CDK13: variants seen among roughly 807,000 people sequenced by gnomAD.
CDK13 encodes cyclin dependent kinase 13, also known as cyclin-dependent kinase 13.
Under a neutral mutation model 137.6 loss-of-function variants are expected in CDK13, and 40 were observed. The ratio of observed to expected loss-of-function variants is 0.29; its 90% CI spans 0.23 to 0.38. CDK13 has a LOEUF of 0.38. Among genes scored for constraint, CDK13 ranks in the 10% least tolerant of loss-of-function variants. CDK13 has a pLI of 1.00. For missense variants in CDK13, 1,704 were observed against 1,951.8 expected (o/e 0.87, Z 2.39); for synonymous variants, 869 against 760.1 (o/e 1.14, Z -2.36).
chr7:40,060,772 A>C (rs1786124225), intron 7 of CDK13: 1 of 152,168 alleles, frequency 6.6e-6, no homozygotes, highest in Admixed American at 6.5e-5. Flanking sequence ...GATTTTATTA[A>C]AAGGGGATAA....
chr7:40,067,148 TAGAG>T (rs1288091939), intron 9 of CDK13: 1 of 152,204 alleles, frequency 6.6e-6, no homozygotes, highest in Non-Finnish European at 1.5e-5. Flanking sequence ...AACTGAACCT[TAGAG>T]AGGTGAAGAA....
intron 5 of CDK13, among the ~76,000 whole-genome samples, chr7:40,026,591 A>G (rs1785248981): frequency 6.6e-6 from 1 of 152,232 alleles, no homozygotes; most frequent in African/African-American, 2.4e-5. Flanking sequence ...ATAACCTCAT[A>G]AATAACCATA....
At chr7:40,054,596 A>C (rs1785970483) in intron 7 of CDK13, among the ~76,000 whole-genome samples, 1 of 152,146 alleles carries the variant, frequency 6.6e-6, no homozygotes, top group South Asian at 2.1e-4. Flanking sequence ...ACACCCAGCG[A>C]ATTTTTGTAA....
rs200938169 is a variant in CDK13, at chr7:39,987,754, A to G, written c.1367A>G (p.Asn456Ser). 29 of 1,614,198 alleles carry G rather than the reference A, an allele frequency of 1.8e-5. No homozygotes were observed. Among genetic ancestry groups the G allele is most frequent in the Non-Finnish European group, 2.5e-5 (29 of 1,180,036 alleles). The change falls in exon 2 of 14, where the codon AAT (asparagine) becomes AGT (serine). Residue 456 changes from asparagine to serine, a missense_variant. By Grantham distance (46) the Asn-to-Ser change is conservative. Coordinates refer to ENST00000181839, the MANE Select transcript of CDK13 (RefSeq NM_003718.5). ...KSSLAAELNK[N>S]KKARAAEAAR... Reference sequence around the variant, plus strand: ...AGCCTGGCAGCTGAATTGAACAAGAATAAAAAAGCACGAGCAGCAGAGGCA... The same window carrying G: ...AGCCTGGCAGCTGAATTGAACAAGAGTAAAAAAGCACGAGCAGCAGAGGCA...
chr7:40,059,863 T>C (rs941211931), intron 7 of CDK13, among the ~76,000 whole-genome samples: 2 of 152,274 alleles, frequency 1.3e-5, no homozygotes, highest in African/African-American at 4.8e-5. Context: ...ATCAGTGTTT[T>C]AAAATTCAAC....
In CDK13 at chr7:39,951,476, C is replaced by T. The variant is rs551890799; in HGVS notation, c.835C>T (p.His279Tyr). Residue 279 changes from histidine to tyrosine, a missense_variant, in exon 1 of 14, where the codon CAC becomes TAC. This residue lies in a region of CDK13 where 1,051 missense variants were observed against 931.0 expected (regional missense o/e 1.13). Coordinates refer to ENST00000181839, the MANE Select transcript of CDK13 (RefSeq NM_003718.5). ...CCGCAAGGACCGGGACTCGAAGGCC[C>T]ACCGCAGCCGGACTAAGTCGTCCAA... ...SSRKDRDSKA[H>Y]RSRTKSSKEP... is the part of the protein sequence containing the mutation. 1.6e-4 allele frequency: 242 copies of T among 1,538,388 alleles called. 2 individuals are homozygous for T. In the South Asian group the frequency reaches 2.8e-3, roughly 18 times the overall value.
intron 1 of CDK13, among the ~76,000 whole-genome samples, chr7:39,983,520 T>C (rs138836104): frequency 1.0e-3 from 156 of 152,368 alleles, no homozygotes; most frequent in African/African-American, 3.5e-3. Flanking sequence ...ATGAATTGTG[T>C]TGGGATTTTA....
At chr7:40,086,725 A>G (rs1481988372) in intron 11 of CDK13, among the ~76,000 whole-genome samples, 1 of 151,898 alleles carries the variant, frequency 6.6e-6, no homozygotes, top group Non-Finnish European at 1.5e-5. Flanking sequence ...GTTTAATTCT[A>G]GAGCATTTGG....
At position 39,990,501 on chromosome 7, in the gene CDK13, T is replaced by C. The variant is rs1784434898; in HGVS notation, c.1871+2243T>C. On this transcript the variant is annotated intron_variant, in intron 2 of 13. Coordinates refer to ENST00000181839, the MANE Select transcript of CDK13 (RefSeq NM_003718.5). Reference sequence around the variant, plus strand: ...TTTACTTTTTATAAAAGTTTTTAGGTGATTAAATAAAAATGTATTGTAAAA... The same window carrying C: ...TTTACTTTTTATAAAAGTTTTTAGGCGATTAAATAAAAATGTATTGTAAAA... Among the ~76,000 whole-genome samples the C allele has an allele frequency of 3.9e-5, 6 of 152,294 alleles. No homozygotes were observed. The South Asian group carries it at 1.2e-3, about 32-fold the overall frequency.
chr7:40,097,323 C>T lies in CDK13; in HGVS notation c.*2343C>T, dbSNP rs1254309671. On this transcript the variant is annotated 3_prime_UTR_variant, in exon 14 of 14. Coordinates refer to ENST00000181839, the MANE Select transcript of CDK13 (RefSeq NM_003718.5). ...ATGTCACTTAGAAGAAAAAATGTTGCCAATTAAGCCACAATACAATGCTAA... is the reference window on the plus strand; with the variant it reads ...ATGTCACTTAGAAGAAAAAATGTTGTCAATTAAGCCACAATACAATGCTAA... 6.6e-6 allele frequency: 1 copy of T among 151,836 alleles called. No homozygotes were observed. The highest frequency in any genetic ancestry group is 1.5e-5 in the Non-Finnish European group (1 of 67,926). The allele number at this position is 151,836 out of a possible 1,614,324, so 9.4% of individuals were successfully genotyped here. A position where few individuals can be genotyped will look rare whatever the true frequency, so the allele number is the denominator to read the frequency against.
chr7:40,018,171 G>A (rs1022119130), intron 5 of CDK13, among the ~76,000 whole-genome samples: 2 of 152,122 alleles, frequency 1.3e-5, no homozygotes, highest in African/African-American at 4.8e-5. Flanking sequence ...TGATGTTAGT[G>A]TGGGAGGAAG....
At chr7:40,012,406 C>T (rs925086696) in intron 5 of CDK13, among the ~76,000 whole-genome samples, 1 of 151,936 alleles carries the variant, frequency 6.6e-6, no homozygotes, top group African/African-American at 2.4e-5. Flanking sequence ...CAAGACCAGC[C>T]TGGGCAACAT....
At chr7:40,042,750 G>A (rs560564533) in intron 5 of CDK13, among the ~76,000 whole-genome samples, 1 of 150,900 alleles carries the variant, frequency 6.6e-6, no homozygotes, top group Admixed American at 6.6e-5. Context: ...AAAGTGTTGG[G>A]ATTACAGGTG....
chr7:40,065,000 G>A (rs1786250100), intron 9 of CDK13, among the ~76,000 whole-genome samples: 1 of 94,956 alleles, frequency 1.1e-5, no homozygotes, highest in East Asian at 3.2e-4. Flanking sequence ...TTGGAGACCG[G>A]CTTTCTCTAT....
intron 1 of CDK13, among the ~76,000 whole-genome samples, chr7:39,973,952 C>T (rs897374085): frequency 2.8e-4 from 42 of 152,114 alleles, no homozygotes; most frequent in African/African-American, 9.7e-4. Context: ...TGTATCCGTC[C>T]GTATGCCAGT....
chr7:40,003,496 T>G (rs1385652926), intron 5 of CDK13, among the ~76,000 whole-genome samples: 1 of 152,164 alleles, frequency 6.6e-6, no homozygotes, highest in Non-Finnish European at 1.5e-5. Flanking sequence ...GTCTTGAGAC[T>G]TAGTGTATTA....
chr7:40,066,694 T>A (rs1031170000), intron 9 of CDK13: 1 of 152,212 alleles, frequency 6.6e-6, no homozygotes, highest in Non-Finnish European at 1.5e-5. Context: ...AATTTCTAGA[T>A]TTATTTAAAG....
intron 9 of CDK13, among the ~76,000 whole-genome samples, chr7:40,077,345 G>T (rs1786567975): frequency 6.6e-6 from 1 of 152,126 alleles, no homozygotes; most frequent in African/African-American, 2.4e-5. Context: ...CAAAAAACCA[G>T]AGAGGGACAT....
intron 1 of CDK13, among the ~76,000 whole-genome samples, chr7:39,981,370 T>TAA (rs34499938): frequency 2.2e-5 from 3 of 138,668 alleles, no homozygotes; most frequent in African/African-American, 8.7e-5. Flanking sequence ...GACCCTGTCT[T>TAA]AAAAAAAAAA....
Sources: gnomAD v4.1 joint callset for allele counts (sites outside exome capture counted in the v4.1 genomes callset) on GRCh38, gnomAD v4.1.1 for gene constraint, gnomAD v4.1.1 regional missense constraint, MANE v1.5 for transcripts, NCBI Gene and HGNC (gene_info 2026-07-23, HGNC 2026-07-21) for gene names.